LSAMP: variants seen among roughly 807,000 people sequenced by gnomAD.
LSAMP encodes limbic system associated membrane protein.
LSAMP carries 7 observed loss-of-function variants against 38.6 expected under a neutral mutation model. That is an observed-to-expected ratio of 0.18 (90% CI 0.10 to 0.34). LSAMP has a LOEUF of 0.34. Ranked by LOEUF, LSAMP falls within the 10% of genes least tolerant of loss-of-function variation. LSAMP has a pLI of 1.00. For synonymous variants in LSAMP, 154 were observed against 166.8 expected, an observed-to-expected ratio of 0.92 and a Z score of 0.59; for missense variants, 313 against 420.0, an observed-to-expected ratio of 0.75 and a Z score of 2.23.
At chr3:115,875,819 T>C (rs780590201) in intron 3 of LSAMP, among the ~76,000 whole-genome samples, 2 of 152,214 alleles carry the variant, frequency 1.3e-5, no homozygotes, top group Non-Finnish European at 1.5e-5. Context: ...TGGAAATAGA[T>C]ATATATTTTG....
At chr3:116,061,872 T>C (rs1941600698) in intron 2 of LSAMP, among the ~76,000 whole-genome samples, 1 of 152,178 alleles carries the variant, frequency 6.6e-6, no homozygotes, top group African/African-American at 2.4e-5. Flanking sequence ...GGCAGCAAGG[T>C]ATAAGTAGAA....
intron 1 of LSAMP, among the ~76,000 whole-genome samples, chr3:116,339,932 A>T (rs2047970657): frequency 6.6e-6 from 1 of 152,092 alleles, no homozygotes; most frequent in Admixed American, 6.6e-5. Flanking sequence ...ATCATGAAGC[A>T]GAAACAAGCT....
intron 3 of LSAMP, among the ~76,000 whole-genome samples, chr3:115,968,339 G>A (rs1487617714): frequency 1.3e-5 from 2 of 152,062 alleles, no homozygotes; most frequent in African/African-American, 2.4e-5. Context: ...CACAACCAAG[G>A]TCCACGGCAA....
intron 1 of LSAMP, among the ~76,000 whole-genome samples, chr3:116,220,902 C>T (rs2046276012): frequency 6.6e-6 from 1 of 152,154 alleles, no homozygotes; most frequent in Non-Finnish European, 1.5e-5. Flanking sequence ...CGCCTGTAAT[C>T]CCAGCACTTT....
chr3:115,820,365 G>A (rs983879849), intron 6 of LSAMP, among the ~76,000 whole-genome samples: 2 of 152,106 alleles, frequency 1.3e-5, no homozygotes, highest in African/African-American at 4.8e-5. Flanking sequence ...AAGGTAAATC[G>A]ACTGAAGCAA....
chr3:116,174,340 G>A (rs1020189811), intron 1 of LSAMP, among the ~76,000 whole-genome samples: 3 of 151,888 alleles, frequency 2.0e-5, no homozygotes, highest in East Asian at 1.9e-4. Context: ...GGAAGCAGCC[G>A]CCATAGGGTA....
At chr3:115,957,025 C>A (rs1422225149) in intron 3 of LSAMP, among the ~76,000 whole-genome samples, 1 of 152,168 alleles carries the variant, frequency 6.6e-6, no homozygotes, top group Non-Finnish European at 1.5e-5. Flanking sequence ...CAAACTAATA[C>A]CTCAAAGTTT....
intron 1 of LSAMP, among the ~76,000 whole-genome samples, chr3:116,406,342 C>G (rs1356838113): frequency 6.6e-6 from 1 of 151,976 alleles, no homozygotes; most frequent in Non-Finnish European, 1.5e-5. Context: ...GTTTATACTA[C>G]CCAGTATAGC....
intron 1 of LSAMP, among the ~76,000 whole-genome samples, chr3:116,156,712 G>A (rs1352811873): frequency 6.6e-6 from 1 of 151,948 alleles, no homozygotes; most frequent in Non-Finnish European, 1.5e-5. Context: ...ACAGAAGAGA[G>A]GACCAGTATG....
At chr3:116,390,933 C>G (rs2048686112) in intron 1 of LSAMP, among the ~76,000 whole-genome samples, 1 of 152,046 alleles carries the variant, frequency 6.6e-6, no homozygotes, top group Non-Finnish European at 1.5e-5. Context: ...TCACTCAGAA[C>G]AGCTGACACC....
chr3:115,853,222 A>G (rs929501043), intron 3 of LSAMP, among the ~76,000 whole-genome samples: 4 of 152,166 alleles, frequency 2.6e-5, no homozygotes, highest in African/African-American at 7.2e-5. Flanking sequence ...TCTTCTTCAG[A>G]TTCTGTTAAA....
At chr3:115,834,573 TG>T in intron 6 of LSAMP, 1 of 1,275,750 alleles carries the variant, frequency 7.8e-7, no homozygotes, top group Non-Finnish European at 1.0e-6. Context: ...TTGAATGGGG[TG>T]GGGGATTGTG....
At chr3:115,925,924 G>T (rs2107530539) in intron 3 of LSAMP, among the ~76,000 whole-genome samples, 1 of 152,214 alleles carries the variant, frequency 6.6e-6, no homozygotes, top group South Asian at 2.1e-4. Flanking sequence ...CTTGCTATTT[G>T]GGAGAGAACT....
intron 3 of LSAMP, among the ~76,000 whole-genome samples, chr3:116,011,164 C>T (rs564149401): frequency 3.3e-5 from 5 of 152,120 alleles, no homozygotes; most frequent in Admixed American, 3.3e-4. Flanking sequence ...CCACCACACC[C>T]AGCTAATTTT....
At chr3:116,050,528 AGGG>A (rs148680512) in intron 2 of LSAMP, among the ~76,000 whole-genome samples, 2 of 150,468 alleles carry the variant, frequency 1.3e-5, no homozygotes, top group Non-Finnish European at 1.5e-5. Context: ...TGGGGAAATT[AGGG>A]GGAAAAAAAA....
intron 1 of LSAMP, among the ~76,000 whole-genome samples, chr3:116,242,911 C>A (rs1245067834): frequency 6.6e-6 from 1 of 152,142 alleles, no homozygotes; most frequent in African/African-American, 2.4e-5. Flanking sequence ...CTGAAGTAAA[C>A]TCTTGATTTG....
At chr3:116,078,647 T>C (rs931539035) in intron 2 of LSAMP, among the ~76,000 whole-genome samples, 5 of 152,196 alleles carry the variant, frequency 3.3e-5, no homozygotes, top group African/African-American at 1.2e-4. Flanking sequence ...ACTTAATAAA[T>C]AGTGCCTAAT....
intron 3 of LSAMP, among the ~76,000 whole-genome samples, chr3:115,973,734 C>CA (rs202006471): frequency 4.1e-4 from 58 of 142,746 alleles, no homozygotes; most frequent in East Asian, 1.4e-3. Flanking sequence ...AACTCCAACT[C>CA]AAAAAAAAAA....
chr3:115,836,674 G>A (rs1051101282), intron 6 of LSAMP, among the ~76,000 whole-genome samples: 4 of 143,644 alleles, frequency 2.8e-5, no homozygotes, highest in African/African-American at 1.2e-4. Flanking sequence ...GGTGGGCGAG[G>A]GGAGGCGAGA....
Sources: allele counts gnomAD v4.1 joint callset (sites outside exome capture counted in the v4.1 genomes callset), GRCh38; gene constraint gnomAD v4.1.1; transcripts MANE v1.5; gene names NCBI Gene and HGNC (gene_info 2026-07-23, HGNC 2026-07-21).